KLF16: variants seen among roughly 807,000 people sequenced by gnomAD.
KLF16 encodes KLF transcription factor 16.
In KLF16, 6 loss-of-function variants were observed where a neutral mutation model predicts 6.1. The ratio of observed to expected loss-of-function variants is 0.98; its 90% confidence interval spans 0.54 to 1.93. KLF16 has a LOEUF of 1.93. KLF16 is among the 30% of genes most tolerant of loss of function. The pLI, the probability that KLF16 is intolerant of heterozygous loss-of-function variation, is 0.01. For missense variants in KLF16, 355 were observed against 363.8 expected, an observed-to-expected ratio of 0.98 and a Z score of 0.20; for synonymous variants, 211 against 176.5, an observed-to-expected ratio of 1.20 and a Z score of -1.55.
chr19:1,863,238 AGGTC>A lies in KLF16; in HGVS notation c.256_259del (p.Asp86CysfsTer58). The A allele has an allele frequency of 9.4e-7, 1 of 1,067,984 alleles. No individual in the cohort carries two copies. Among genetic ancestry groups the A allele is most frequent in the Non-Finnish European group, 1.1e-6 (1 of 882,738 alleles). The allele number at this position is 1,067,984 out of a possible 1,614,324, so 66.2% of individuals were successfully genotyped here. A position where few individuals can be genotyped will look rare whatever the true frequency, so the allele number is the denominator to read the frequency against. ...CGGGGCGGCTCCGGGTCCGCCGCGC[AGGTC>A]GGCCAGGATGCTGGCGGCCAGCAGG... On this transcript the variant is annotated frameshift_variant, in exon 1 of 2. Coordinates refer to ENST00000250916, the MANE Select transcript of KLF16 (RefSeq NM_031918.4). LOFTEE classifies it high-confidence loss of function.
intron 1 of KLF16, among the ~76,000 whole-genome samples, chr19:1,858,182 C>T (rs1056037327): frequency 6.6e-6 from 1 of 152,180 alleles, no homozygotes; most frequent in Non-Finnish European, 1.5e-5. Context: ...AGCCAAATCC[C>T]ATCACCTTCG....
At chr19:1,864,045 GCGCCCCGCCCCATCCCGGCA>G (rs2012137920), upstream of KLF16, among the ~76,000 whole-genome samples, 1 of 143,090 alleles carries the variant, frequency 7.0e-6, no homozygotes, top group Non-Finnish European at 1.5e-5. Context: ...TTCCGAGAGC[GCGCCCCGCCCCATCCCGGCA>G]CGCCCCTCCC....
upstream of KLF16, among the ~76,000 whole-genome samples, chr19:1,863,929 G>A (rs1386924117): frequency 1.4e-5 from 2 of 144,698 alleles, no homozygotes; most frequent in African/African-American, 2.5e-5. Flanking sequence ...CCCCCTCCCG[G>A]CGCGCCCCAC....
upstream of KLF16, among the ~76,000 whole-genome samples, chr19:1,864,137 C>T (rs2012140740): frequency 6.8e-6 from 1 of 147,062 alleles, no homozygotes; most frequent in African/African-American, 2.5e-5. Context: ...GCGCGGCCGG[C>T]GGGAGCCCGC....
At chr19:1,872,332 A>G in the KLF16 span, among the ~76,000 whole-genome samples, 1 of 152,118 alleles carries the variant, frequency 6.6e-6, no homozygotes, top group Non-Finnish European at 1.5e-5. Flanking sequence ...GGGTTTCACC[A>G]TGTTGGTCAG....
At chr19:1,871,345 A>G in the KLF16 span, among the ~76,000 whole-genome samples, 3 of 152,094 alleles carry the variant, frequency 2.0e-5, no homozygotes, top group African/African-American at 7.2e-5. Flanking sequence ...GAGGGACTGG[A>G]CGGGCTGCGG....
intron 1 of KLF16, among the ~76,000 whole-genome samples, chr19:1,856,990 TG>T (rs1298926726): frequency 7.5e-6 from 1 of 133,374 alleles, no homozygotes; most frequent in Admixed American, 7.9e-5. Flanking sequence ...GCGCAGCCGC[TG>T]GGAACACAGC....
chr19:1,856,275 G>T (rs1236816773), intron 1 of KLF16, among the ~76,000 whole-genome samples: 1 of 152,158 alleles, frequency 6.6e-6, no homozygotes, highest in African/African-American at 2.4e-5. Flanking sequence ...AGCTGAGGAG[G>T]GGCACGGGAG....
Position 1,852,413 on chromosome 19 carries a change from G to C in KLF16, c.*2046C>G, listed in dbSNP as rs1390088711. ...ACACGCTGGAGTAGGGTTTAAAAAGGGGCTTGTTTAATTAATTAAATACAA... is the reference window on the plus strand; with the variant it reads ...ACACGCTGGAGTAGGGTTTAAAAAGCGGCTTGTTTAATTAATTAAATACAA... On this transcript the variant is annotated 3_prime_UTR_variant, in exon 2 of 2. Transcript: ENST00000250916. The C allele has an allele frequency of 6.6e-6, 1 of 152,116 alleles. No homozygotes were observed. The highest frequency in any genetic ancestry group is 1.5e-5 in the Non-Finnish European group (1 of 68,022). 9.4% of individuals were successfully genotyped at this position (152,116 alleles called of 1,614,324 possible).
At chr19:1,859,076 C>G (rs1037882938) in intron 1 of KLF16, among the ~76,000 whole-genome samples, 4 of 151,334 alleles carry the variant, frequency 2.6e-5, no homozygotes, top group Non-Finnish European at 5.9e-5. Context: ...CCCTGGCCCC[C>G]TACCCCCCAC....
At chr19:1,864,166 C>T (rs531536484), upstream of KLF16, among the ~76,000 whole-genome samples, 18 of 151,350 alleles carry the variant, frequency 1.2e-4, no homozygotes, top group African/African-American at 4.4e-4. Context: ...CGGATGCTTC[C>T]CTCCTGGCCC....
chr19:1,854,977 T>C (rs986555990), intron 1 of KLF16, among the ~76,000 whole-genome samples: 1 of 152,104 alleles, frequency 6.6e-6, no homozygotes, highest in Non-Finnish European at 1.5e-5. Flanking sequence ...ATCCTCTTAT[T>C]TCCTACCAGC....
rs575351406 is a variant in KLF16, at chr19:1,855,377, G to A, written c.458-617C>T. Among the ~76,000 whole-genome samples the A allele has an allele frequency of 2.4e-4, 36 of 152,320 alleles. 1 individual carries two copies. In the South Asian group the frequency reaches 6.0e-3, roughly 25 times the overall value. The stretch of plus-strand genomic sequence containing the variant: ...CACAGTCAGTCTGGGCCCCGATCTC[G>A]GGGTGTGGTTAGATGGAAGACAGGC... On this transcript the variant is annotated intron_variant, in intron 1 of 1. Coordinates refer to ENST00000250916, the MANE Select transcript of KLF16 (RefSeq NM_031918.4).
chr19:1,857,037 C>A lies in KLF16; in HGVS notation c.458-2277G>T, dbSNP rs2011967291. Among the ~76,000 whole-genome samples the A allele has an allele frequency of 6.8e-6, 1 of 146,912 alleles. No individual in the cohort carries two copies. Among genetic ancestry groups the A allele is most frequent in the Admixed American group, 7.0e-5 (1 of 14,220 alleles). On this transcript the variant is annotated intron_variant, in intron 1 of 1. Transcript: ENST00000250916. This position sits in a 1 kb window ranked among gnomAD's most constrained non-coding sequence, Gnocchi z 4.7. ...AGCTCGGCGGCGGCGGCGGGGACAT[C>A]CGCAGCCCCAGCCGGCCCCGCTCAC...
At chr19:1,855,956 CAA>C (rs994128197) in intron 1 of KLF16, among the ~76,000 whole-genome samples, 12 of 152,222 alleles carry the variant, frequency 7.9e-5, no homozygotes, top group Non-Finnish European at 1.5e-4. Flanking sequence ...CCCTGAGTAG[CAA>C]AAGAGACGTC....
At chr19:1,872,420 C>A in the KLF16 span, among the ~76,000 whole-genome samples, 1 of 152,330 alleles carries the variant, frequency 6.6e-6, no homozygotes, top group East Asian at 1.9e-4. Flanking sequence ...CGTGAGCCAC[C>A]GCGCCCAGCC....
chr19:1,872,383 G>A, the KLF16 span, among the ~76,000 whole-genome samples: 3 of 152,226 alleles, frequency 2.0e-5, no homozygotes, highest in Admixed American at 6.5e-5. Context: ...CCACCGCCTC[G>A]GCCTCCCAGA....
chr19:1,874,784 T>C, the KLF16 span: 26 of 124,938 alleles, frequency 2.1e-4, no homozygotes, highest in Middle Eastern at 4.9e-3. Context: ...AAAACACTTC[T>C]ACTAGACAGA....
chr19:1,856,394 C>G (rs75467743), intron 1 of KLF16, among the ~76,000 whole-genome samples: 155 of 152,294 alleles, frequency 1.0e-3, no homozygotes, highest in African/African-American at 3.4e-3. Flanking sequence ...TGCCACACCC[C>G]GACACCCTCA....
Sources: allele counts gnomAD v4.1 joint callset (sites outside exome capture counted in the v4.1 genomes callset), GRCh38; gene constraint gnomAD v4.1.1; non-coding constraint Gnocchi (gnomAD v3.1); transcripts MANE v1.5; gene names NCBI Gene and HGNC (gene_info 2026-07-23, HGNC 2026-07-21).